BTRC: variants seen among roughly 807,000 people sequenced by gnomAD.
The protein encoded by BTRC is beta-transducin repeat containing E3 ubiquitin protein ligase, also known as F-box/WD repeat-containing protein 1A.
In BTRC, 42 loss-of-function variants were observed where a neutral mutation model predicts 85.5. That is an observed-to-expected ratio of 0.49 (90% confidence interval 0.38 to 0.64). The LOEUF (loss-of-function observed/expected upper bound fraction) is 0.64. Among genes scored for constraint, BTRC ranks in the 30% least tolerant of loss-of-function variants. The pLI is 0.00. For synonymous variants in BTRC, 255 were observed against 263.3 expected (o/e 0.97, Z 0.30); for missense variants, 594 against 743.5 (o/e 0.80, Z 2.34).
rs375980263 is a variant in BTRC at position 101,366,766 on chromosome 10, TTATA to T, written c.48+12558_48+12561del. Reference sequence around the variant, plus strand: ...CCCAGGGAGTTTGGACTTAATCTAGTTATATATATATATATATATATATTTTTAC... The same window carrying T: ...CCCAGGGAGTTTGGACTTAATCTAGTTATATATATATATATATATTTTTAC... On this transcript the variant is annotated intron_variant, in intron 1 of 14. Transcript: ENST00000370187. Among the ~76,000 whole-genome samples the T allele has an allele frequency of 1.8e-3, 92 of 50,924 alleles. 4 individuals are homozygous for T. Among genetic ancestry groups the T allele is most frequent in the African/African-American group, 4.8e-3 (86 of 17,864 alleles). 33.4% of individuals were successfully genotyped at this position (50,924 alleles called of 152,430 possible).
At chr10:101,466,425 C>T (rs1482607453) in intron 3 of BTRC, among the ~76,000 whole-genome samples, 2 of 152,166 alleles carry the variant, frequency 1.3e-5, no homozygotes, top group African/African-American at 4.8e-5. Flanking sequence ...GTAGCTGTCT[C>T]CCTTGTTAGC....
At chr10:101,455,723 C>G (rs1945058052) in intron 2 of BTRC, among the ~76,000 whole-genome samples, 2 of 152,052 alleles carry the variant, frequency 1.3e-5, no homozygotes, top group Admixed American at 1.3e-4. Context: ...GTAAATGGTA[C>G]AGAGACTTTG....
chr10:101,442,066 GA>G (rs1399230506), intron 2 of BTRC, among the ~76,000 whole-genome samples: 2 of 152,058 alleles, frequency 1.3e-5, no homozygotes, highest in Non-Finnish European at 2.9e-5. Context: ...TTTGAAGCCA[GA>G]AAAGCATAGA....
intron 1 of BTRC, among the ~76,000 whole-genome samples, chr10:101,422,710 A>G (rs1416935190): frequency 6.6e-6 from 1 of 152,206 alleles, no homozygotes; most frequent in African/African-American, 2.4e-5. Context: ...TCCCAGCACC[A>G]TTTATTAAAT....
At position 101,469,117 on chromosome 10, in the gene BTRC, G is replaced by A. The variant is rs371963882; in HGVS notation, c.234+7059G>A. 7.1e-4 allele frequency among the ~76,000 whole-genome samples: 108 copies of A among 152,320 alleles called. 2 individuals carry two copies. The highest frequency in any genetic ancestry group is 2.3e-3 in the African/African-American group (97 of 41,564). On this transcript the variant is annotated intron_variant, in intron 3 of 14. Coordinates refer to ENST00000370187, the MANE Select transcript of BTRC (RefSeq NM_033637.4). ...TCCAACGCAAAACTCTCTGCCTCTG[G>A]TTCAGCAATGAAGCTACCTTTTCAA...
At chr10:101,372,938 T>C (rs1245502870) in intron 1 of BTRC, among the ~76,000 whole-genome samples, 1 of 152,176 alleles carries the variant, frequency 6.6e-6, no homozygotes, top group Non-Finnish European at 1.5e-5. Context: ...ATTGAATCCA[T>C]ATATAAGTTT....
intron 3 of BTRC, among the ~76,000 whole-genome samples, chr10:101,466,791 A>G (rs1008866924): frequency 1.5e-4 from 23 of 152,202 alleles, no homozygotes; most frequent in African/African-American, 5.6e-4. Flanking sequence ...TTATAAAAGG[A>G]ACTACATAAG....
intron 11 of BTRC, 131 bp downstream of exon 11, chr10:101,535,603 C>A: frequency 3.3e-6 from 2 of 605,998 alleles, no homozygotes; most frequent in South Asian, 6.9e-5. Flanking sequence ...TAGCTTCTTA[C>A]AGGTCAGAAG....
intron 2 of BTRC, among the ~76,000 whole-genome samples, chr10:101,458,619 C>G (rs1296523657): frequency 6.6e-6 from 1 of 152,102 alleles, no homozygotes; most frequent in African/African-American, 2.4e-5. Context: ...TCTTTAGTTT[C>G]CTTTAATCTG....
chr10:101,490,043 A>G (rs545589727), intron 4 of BTRC, among the ~76,000 whole-genome samples: 1 of 152,136 alleles, frequency 6.6e-6, no homozygotes, highest in Non-Finnish European at 1.5e-5. Flanking sequence ...GTTCTTATGC[A>G]TGGGACCAGT....
At chr10:101,391,720 T>A (rs761488999) in intron 1 of BTRC, among the ~76,000 whole-genome samples, 1 of 152,244 alleles carries the variant, frequency 6.6e-6, no homozygotes, top group Non-Finnish European at 1.5e-5. Context: ...TTTTACTTCT[T>A]AATTTGCAAA....
intron 1 of BTRC, among the ~76,000 whole-genome samples, chr10:101,414,394 A>G (rs1943868145): frequency 6.6e-6 from 1 of 152,172 alleles, no homozygotes; most frequent in Non-Finnish European, 1.5e-5. Flanking sequence ...GTGTAAATGA[A>G]CCTGCTGCAC....
At chr10:101,460,760 G>T (rs1461229354) in intron 2 of BTRC, among the ~76,000 whole-genome samples, 1 of 152,132 alleles carries the variant, frequency 6.6e-6, no homozygotes, top group Non-Finnish European at 1.5e-5. Flanking sequence ...AGTAATGATT[G>T]TATATTAATA....
chr10:101,384,284 A>G (rs1027002346), intron 1 of BTRC, among the ~76,000 whole-genome samples: 1 of 152,218 alleles, frequency 6.6e-6, no homozygotes, highest in Non-Finnish European at 1.5e-5. Flanking sequence ...TAGAAATACT[A>G]TAAACATCAG....
chr10:101,360,600 A>G (rs1942177524), intron 1 of BTRC, among the ~76,000 whole-genome samples: 1 of 151,502 alleles, frequency 6.6e-6, no homozygotes, highest in South Asian at 2.1e-4. Flanking sequence ...TGAACTCCTG[A>G]CCTCAGGTGA....
At chr10:101,545,869 G>A (rs950638750) in intron 13 of BTRC, among the ~76,000 whole-genome samples, 1 of 152,048 alleles carries the variant, frequency 6.6e-6, no homozygotes, top group Non-Finnish European at 1.5e-5. Flanking sequence ...ATATTATCAG[G>A]GATAAAGAGA....
At chr10:101,456,018 A>ACACACAC (rs60361192) in intron 2 of BTRC, among the ~76,000 whole-genome samples, 2 of 150,098 alleles carry the variant, frequency 1.3e-5, no homozygotes, top group Non-Finnish European at 3.0e-5. Flanking sequence ...ACACACACAC[A>ACACACAC]AAATTAGCTG....
chr10:101,549,858 G>C (rs1255233144), intron 13 of BTRC, among the ~76,000 whole-genome samples: 1 of 151,906 alleles, frequency 6.6e-6, no homozygotes, highest in Non-Finnish European at 1.5e-5. Context: ...TGGTGTGCTA[G>C]AACAGGCTCA....
chr10:101,484,613 G>T (rs1945933654), intron 4 of BTRC, among the ~76,000 whole-genome samples: 1 of 152,168 alleles, frequency 6.6e-6, no homozygotes, highest in Admixed American at 6.5e-5. Context: ...GCTTCTTTAA[G>T]ATACTGTTCC....
Sources: allele counts gnomAD v4.1 joint callset (sites outside exome capture counted in the v4.1 genomes callset), GRCh38; gene constraint gnomAD v4.1.1; transcripts MANE v1.5; gene names NCBI Gene and HGNC (gene_info 2026-07-23, HGNC 2026-07-21).